Variants in GLIS1 observed in about 807,000 individuals in gnomAD.
GLIS1 encodes zinc finger protein GLIS1.
In GLIS1, 24 loss-of-function variants were observed where a neutral mutation model predicts 63.8. The observed-to-expected ratio is 0.38, with a 90% confidence interval of 0.27 to 0.53. The LOEUF is 0.53. Among genes scored for constraint, GLIS1 ranks in the 20% least tolerant of loss-of-function variants. GLIS1 has a pLI of 0.85. For missense variants in GLIS1, 1,036 were observed against 1,074.1 expected, an observed-to-expected ratio of 0.96 and a Z score of 0.50; for synonymous variants, 450 against 482.5, an observed-to-expected ratio of 0.93 and a Z score of 0.88.
intron 2 of GLIS1, among the ~76,000 whole-genome samples, chr1:53,632,787 T>C (rs1354055909): frequency 1.4e-5 from 2 of 139,430 alleles, no homozygotes; most frequent in African/African-American, 5.5e-5. Flanking sequence ...TGAATGAGTG[T>C]GACTGAGGAG....
chr1:53,682,063 T>C (rs1051623739), intron 2 of GLIS1, among the ~76,000 whole-genome samples: 3 of 152,246 alleles, frequency 2.0e-5, no homozygotes, highest in African/African-American at 4.8e-5. Flanking sequence ...AATTTGAAAT[T>C]GCTGTGCTGC....
chr1:53,575,224 G>A (rs547240193), intron 4 of GLIS1, among the ~76,000 whole-genome samples: 80 of 152,184 alleles, frequency 5.3e-4, no homozygotes, highest in African/African-American at 1.8e-3. Flanking sequence ...TGGCCCTCAC[G>A]GGGAACAGGA....
chr1:53,697,710 C>T (rs955088000), intron 2 of GLIS1, among the ~76,000 whole-genome samples: 1 of 152,198 alleles, frequency 6.6e-6, no homozygotes, highest in African/African-American at 2.4e-5. Context: ...ATACTCGGTG[C>T]GGACACTGTC....
chr1:53,722,407 G>A (rs1486702013), intron 2 of GLIS1, among the ~76,000 whole-genome samples: 2 of 152,164 alleles, frequency 1.3e-5, no homozygotes, highest in African/African-American at 2.4e-5. Context: ...ATATTTGTTT[G>A]TATTCACATA....
intron 2 of GLIS1, among the ~76,000 whole-genome samples, chr1:53,681,499 A>G (rs1331570800): frequency 6.6e-6 from 1 of 152,256 alleles, no homozygotes; most frequent in African/African-American, 2.4e-5. Context: ...AATTCCTGTA[A>G]AACTGTGAGT....
chr1:53,635,578 G>A (rs1220987608), intron 2 of GLIS1, among the ~76,000 whole-genome samples: 3 of 150,762 alleles, frequency 2.0e-5, no homozygotes, highest in Admixed American at 6.6e-5. Flanking sequence ...AGTAGCAAGA[G>A]AAACTATAAA....
chr1:53,678,377 G>C (rs1646239056), intron 2 of GLIS1, among the ~76,000 whole-genome samples: 1 of 151,388 alleles, frequency 6.6e-6, no homozygotes, highest in Non-Finnish European at 1.5e-5. Flanking sequence ...GCCTCAGAAT[G>C]GGCTGCAGCT....
intron 2 of GLIS1, among the ~76,000 whole-genome samples, chr1:53,606,538 GTTCATCTCCTAACCCT>G (rs1645371022): frequency 6.6e-6 from 1 of 152,134 alleles, no homozygotes; most frequent in Non-Finnish European, 1.5e-5. Flanking sequence ...CCCGAGCAGC[GTTCATCTCCTAACCCT>G]TTCTGCTCTC....
At chr1:53,629,302 C>A (rs1645627621) in intron 2 of GLIS1, among the ~76,000 whole-genome samples, 1 of 152,194 alleles carries the variant, frequency 6.6e-6, no homozygotes, top group Non-Finnish European at 1.5e-5. Context: ...CTCCCTGAAG[C>A]CCTCCCCAAT....
chr1:53,512,417 T>G (rs913239858), intron 8 of GLIS1, among the ~76,000 whole-genome samples: 1 of 152,180 alleles, frequency 6.6e-6, no homozygotes, highest in Non-Finnish European at 1.5e-5. Flanking sequence ...GTAAATAAAT[T>G]TGGTCATGAA....
At chr1:53,731,664 G>A (rs1646862543) in intron 2 of GLIS1, among the ~76,000 whole-genome samples, 1 of 152,118 alleles carries the variant, frequency 6.6e-6, no homozygotes, top group Non-Finnish European at 1.5e-5. Context: ...TTAGAACAGT[G>A]CCTCCTTTCT....
intron 1 of GLIS1, among the ~76,000 whole-genome samples, chr1:53,738,467 C>T (rs1400171653): frequency 6.6e-6 from 1 of 152,192 alleles, no homozygotes; most frequent in Admixed American, 6.5e-5. Context: ...CAGTGGAACA[C>T]GGAGCCGGCG....
At chr1:53,556,892 C>T (rs1644840046) in intron 4 of GLIS1, among the ~76,000 whole-genome samples, 2 of 138,670 alleles carry the variant, frequency 1.4e-5, no homozygotes, top group African/African-American at 2.8e-5. Context: ...TGTGTGTGTG[C>T]AGGTGTACTG....
chr1:53,617,703 C>T (rs1000215919), intron 2 of GLIS1, among the ~76,000 whole-genome samples: 2 of 152,220 alleles, frequency 1.3e-5, no homozygotes, highest in African/African-American at 4.8e-5. Flanking sequence ...CAATATAAAA[C>T]CTTATATGAA....
chr1:53,540,551 G>C (rs781634531), intron 4 of GLIS1, among the ~76,000 whole-genome samples: 3 of 152,196 alleles, frequency 2.0e-5, no homozygotes, highest in Admixed American at 6.5e-5. Context: ...GCACAGGACA[G>C]GTGCTCAGTA....
chr1:53,587,484 A>T (rs1645147537), intron 4 of GLIS1, among the ~76,000 whole-genome samples: 1 of 152,160 alleles, frequency 6.6e-6, no homozygotes, highest in South Asian at 2.1e-4. Context: ...CTCTGGCCTC[A>T]TTTACAGCAG....
At position 53,600,147 on chromosome 1, in the gene GLIS1, G is replaced by T; in HGVS notation, c.391C>A (p.His131Asn). The change falls in exon 3 of 11, where the codon CAC becomes AAC. Residue 131 changes from histidine to asparagine, a missense_variant. His to Asn is a moderately conservative substitution (Grantham distance 68, BLOSUM62 1). This residue lies in a region of GLIS1 where 592 missense variants were observed against 593.9 expected (regional missense o/e 1.00). Transcript: ENST00000628545. ...AGCAGCCTCTCACAAGCTTGGGGGTGAGCCCGGGGCGGTGGGCTTCCTGCA... is the reference window on the plus strand; with the variant it reads ...AGCAGCCTCTCACAAGCTTGGGGGTTAGCCCGGGGCGGTGGGCTTCCTGCA... ...LPAGSPPPRA[H>N]PQACERLLHF... The T allele has an allele frequency of 8.1e-7, 1 of 1,231,826 alleles. No individual in the cohort carries two copies. The highest frequency in any genetic ancestry group is 1.0e-6 in the Non-Finnish European group (1 of 987,660). 76.3% of individuals were successfully genotyped at this position (1,231,826 alleles called of 1,614,324 possible). A position where few individuals can be genotyped will look rare whatever the true frequency, so the allele number is the denominator to read the frequency against.
chr1:53,679,752 C>T (rs752002887), intron 2 of GLIS1, among the ~76,000 whole-genome samples: 3 of 152,136 alleles, frequency 2.0e-5, no homozygotes, highest in Non-Finnish European at 4.4e-5. Flanking sequence ...CTGGCGCTGC[C>T]GGGAGGAGGG....
At chr1:53,569,517 C>A (rs1644964784) in intron 4 of GLIS1, among the ~76,000 whole-genome samples, 1 of 151,546 alleles carries the variant, frequency 6.6e-6, no homozygotes, top group Admixed American at 6.6e-5. Flanking sequence ...AGAAAGAGTC[C>A]ATAAAAATCC....
Sources: allele counts gnomAD v4.1 joint callset (sites outside exome capture counted in the v4.1 genomes callset), GRCh38; gene constraint gnomAD v4.1.1; regional missense constraint gnomAD v4.1.1; transcripts MANE v1.5; gene names NCBI Gene and HGNC (gene_info 2026-07-23, HGNC 2026-07-21).